NINL: variants seen among roughly 807,000 people sequenced by gnomAD.
NINL encodes ninein like.
Under a neutral mutation model 160.3 loss-of-function variants are expected in NINL, and 153 were observed. That is an observed-to-expected ratio of 0.95 (90% CI 0.84 to 1.09). The LOEUF is 1.09. NINL is among the 50% of genes least tolerant of loss of function. The probability of loss-of-function intolerance (pLI) is 0.00; values close to 1 mark genes in which losing one functional copy is unlikely to be tolerated. For synonymous variants in NINL, 800 were observed against 734.8 expected (o/e 1.09, Z -1.43); for missense variants, 1,829 against 1,764.0 (o/e 1.04, Z -0.66).
At chr20:25,554,484 A>T (rs1051131526) in intron 1 of NINL, among the ~76,000 whole-genome samples, 3 of 152,036 alleles carry the variant, frequency 2.0e-5, no homozygotes. Context: ...ATCACAATTT[A>T]TACAAAACCT....
At chr20:25,502,885 C>T (rs1292253817) in intron 7 of NINL, among the ~76,000 whole-genome samples, 5 of 152,212 alleles carry the variant, frequency 3.3e-5, no homozygotes, top group African/African-American at 9.7e-5. Flanking sequence ...CCTGCAGAAT[C>T]GTGAGTTAAT....
intron 22 of NINL, among the ~76,000 whole-genome samples, chr20:25,457,560 T>C (rs1264031222): frequency 1.3e-5 from 2 of 151,696 alleles, no homozygotes; most frequent in Non-Finnish European, 2.9e-5. Flanking sequence ...CTTGACCCCT[T>C]TGTGTGATGT....
At chr20:25,465,517 C>T (rs994577152) in intron 19 of NINL, among the ~76,000 whole-genome samples, 3 of 152,140 alleles carry the variant, frequency 2.0e-5, no homozygotes, top group African/African-American at 4.8e-5. Flanking sequence ...ACACCCCCCA[C>T]GACACTCCTT....
chr20:25,541,802 A>G (rs531680885), intron 1 of NINL, among the ~76,000 whole-genome samples: 1 of 152,354 alleles, frequency 6.6e-6, no homozygotes, highest in East Asian at 1.9e-4. Flanking sequence ...AAGAAATGAG[A>G]GAACTAGAAG....
intron 10 of NINL, 42 bp from the exon 11 acceptor site, chr20:25,491,567 G>A: frequency 1.3e-6 from 2 of 1,591,254 alleles, no homozygotes; most frequent in Non-Finnish European, 1.7e-6. Flanking sequence ...TGTCATGTCA[G>A]GGCTGCCCAG....
Position 25,476,628 on chromosome 20 carries a change from G to C in NINL, c.2663C>G (p.Thr888Arg). Residue 888 changes from threonine to arginine, a missense_variant, in exon 17 of 24, where the codon ACG (threonine) becomes AGG (arginine). By Grantham distance (71) the Thr-to-Arg change is moderately conservative (BLOSUM62 -1). Transcript: ENST00000278886. ...GGCAGGGGCGGGGGCCGGGCTCTGC[G>C]TAGCTTCTGTGTCCTGGGCTTGCCT... ...RRRQAQDTEA[T>R]QSPAPAPAPA... The C allele has an allele frequency of 3.8e-6, 6 of 1,591,994 alleles. No homozygotes were observed. Among genetic ancestry groups the C allele is most frequent in the Non-Finnish European group, 5.1e-6 (6 of 1,175,882 alleles).
At chr20:25,498,413 C>A (rs561533610) in intron 8 of NINL, 67 bp from the exon 9 acceptor site, 3 of 1,583,654 alleles carry the variant, frequency 1.9e-6, no homozygotes, top group Non-Finnish European at 2.6e-6. Context: ...CCTCTTTGCT[C>A]CCTCCCTGAT....
chr20:25,500,201 C>T lies in NINL; in HGVS notation c.1032+639G>A, dbSNP rs189527457. On this transcript the variant is annotated intron_variant, in intron 8 of 23. Coordinates refer to ENST00000278886, the MANE Select transcript of NINL (RefSeq NM_025176.6). ...ACCTCTGCCCCTGCACAGTTGTTGC[C>T]AAATTGTGCCCAGGGCAGAGCTCCT... 3.9e-5 allele frequency among the ~76,000 whole-genome samples: 6 copies of T among 152,270 alleles called. No individual in the cohort carries two copies. The East Asian group carries it at 1.2e-3, about 29-fold the overall frequency.
intron 1 of NINL, among the ~76,000 whole-genome samples, chr20:25,583,507 C>T (rs918852550): frequency 1.3e-5 from 2 of 152,168 alleles, no homozygotes; most frequent in Non-Finnish European, 2.9e-5. Context: ...GGAATAGGAA[C>T]GCTTTTACAC....
chr20:25,475,570 G>A (rs957583430), intron 17 of NINL, among the ~76,000 whole-genome samples: 1 of 152,186 alleles, frequency 6.6e-6, no homozygotes, highest in African/African-American at 2.4e-5. Context: ...GAACAACAAT[G>A]AAAAATCTTT....
chr20:25,539,229 G>A (rs2064616605), intron 1 of NINL, among the ~76,000 whole-genome samples: 1 of 152,228 alleles, frequency 6.6e-6, no homozygotes, highest in Non-Finnish European at 1.5e-5. Flanking sequence ...TCAACAGAGA[G>A]AGGCCAAGGT....
intron 18 of NINL, among the ~76,000 whole-genome samples, chr20:25,468,858 C>A (rs1287904978): frequency 6.7e-6 from 1 of 148,156 alleles, no homozygotes; most frequent in East Asian, 2.1e-4. Flanking sequence ...GCCCCACCGC[C>A]CTGTCCCCCG....
intron 1 of NINL, among the ~76,000 whole-genome samples, chr20:25,543,860 C>T (rs769459211): frequency 6.6e-6 from 1 of 151,210 alleles, no homozygotes; most frequent in Non-Finnish European, 1.5e-5. Flanking sequence ...AACCTCTAGC[C>T]GGAGGTTTCT....
intron 1 of NINL, chr20:25,540,057 A>G (rs2064636059): frequency 7.8e-7 from 1 of 1,286,182 alleles, no homozygotes; most frequent in African/African-American, 1.5e-5. Flanking sequence ...TTTCTTCTTC[A>G]TGCAAACTGA....
At chr20:25,482,232 C>A (rs1482982565) in intron 13 of NINL, 132 bp from the exon 14 acceptor site, 3 of 979,330 alleles carry the variant, frequency 3.1e-6, no homozygotes, top group East Asian at 2.8e-5. Context: ...TGCTTCCCAG[C>A]TTCCAGCAGG....
At chr20:25,542,648 G>A (rs1387823434) in intron 1 of NINL, among the ~76,000 whole-genome samples, 2 of 128,812 alleles carry the variant, frequency 1.6e-5, no homozygotes, top group East Asian at 4.8e-4. Context: ...ATGCTCTATG[G>A]AGTAGCCATT....
At chr20:25,479,762 T>C (rs1222132828) in intron 15 of NINL, among the ~76,000 whole-genome samples, 2 of 152,194 alleles carry the variant, frequency 1.3e-5, no homozygotes, top group Non-Finnish European at 2.9e-5. Context: ...GACAGTTTCA[T>C]CCAGGGTGGC....
At chr20:25,469,186 C>A (rs1322800941) in intron 18 of NINL, among the ~76,000 whole-genome samples, 30 of 139,710 alleles carry the variant, frequency 2.1e-4, no homozygotes, top group African/African-American at 7.9e-4. Context: ...TGAGTGTCCC[C>A]TTGCCCTGTC....
chr20:25,512,621 G>C (rs1225376099), intron 4 of NINL, among the ~76,000 whole-genome samples: 1 of 152,194 alleles, frequency 6.6e-6, no homozygotes, highest in South Asian at 2.1e-4. Context: ...ATTCAGGAGA[G>C]AACCCTGTGT....
Sources: gnomAD v4.1 joint callset for allele counts (sites outside exome capture counted in the v4.1 genomes callset) on GRCh38, gnomAD v4.1.1 for gene constraint, MANE v1.5 for transcripts, NCBI Gene and HGNC (gene_info 2026-07-23, HGNC 2026-07-21) for gene names.